Variants in KAZN observed in about 807,000 individuals in gnomAD.
The protein encoded by KAZN is kazrin.
In KAZN, 40 loss-of-function variants were observed where a neutral mutation model predicts 87.4. The ratio of observed to expected loss-of-function variants is 0.46; its 90% CI spans 0.36 to 0.60. KAZN has a LOEUF of 0.60. Ranked by LOEUF, KAZN falls within the 20% of genes least tolerant of loss-of-function variation. KAZN has a pLI of 0.00. For missense variants in KAZN, 898 were observed against 1,073.9 expected, an observed-to-expected ratio of 0.84 and a Z score of 2.29; for synonymous variants, 466 against 458.3, an observed-to-expected ratio of 1.02 and a Z score of -0.22.
intron 1 of KAZN, among the ~76,000 whole-genome samples, chr1:14,090,432 A>G (rs1262818072): frequency 6.7e-6 from 1 of 150,226 alleles, no homozygotes; most frequent in Non-Finnish European, 1.5e-5. Flanking sequence ...TCCGTCTGGT[A>G]TTTTTTCCAG....
chr1:14,845,236 T>TG (rs1648584100), intron 1 of KAZN, among the ~76,000 whole-genome samples: 1 of 148,832 alleles, frequency 6.7e-6, no homozygotes, highest in Admixed American at 6.6e-5. Flanking sequence ...GATGGATGGA[T>TG]GGATGGGTGA....
At chr1:15,060,111 A>C in intron 5 of KAZN, 61 bp from the exon 6 acceptor site, 1 of 1,601,060 alleles carries the variant, frequency 6.2e-7, no homozygotes, top group Non-Finnish European at 8.5e-7. Context: ...ATAACCGCCA[A>C]GGCAGCACAG....
chr1:14,407,993 C>G (rs1020907694), intron 2 of KAZN, among the ~76,000 whole-genome samples: 9 of 152,196 alleles, frequency 5.9e-5, no homozygotes, highest in African/African-American at 2.2e-4. Flanking sequence ...TTATCACATC[C>G]ATGGGGAACT....
intron 1 of KAZN, among the ~76,000 whole-genome samples, chr1:14,020,403 T>C (rs1368026970): frequency 6.6e-6 from 1 of 152,222 alleles, no homozygotes; most frequent in Non-Finnish European, 1.5e-5. Context: ...CTCTCTTTTT[T>C]CCCCATTTCA....
chr1:14,591,903 C>T (rs2148581906), intron 2 of KAZN, among the ~76,000 whole-genome samples: 1 of 152,332 alleles, frequency 6.6e-6, no homozygotes, highest in South Asian at 2.1e-4. Flanking sequence ...CTCCTCTCCC[C>T]TGTTTTTTCC....
intron 1 of KAZN, among the ~76,000 whole-genome samples, chr1:14,725,060 CTTGTAAT>C (rs1470444740): frequency 6.6e-6 from 1 of 152,200 alleles, no homozygotes; most frequent in Non-Finnish European, 1.5e-5. Context: ...CTTCATTCCT[CTTGTAAT>C]TTACCAGAGG....
chr1:14,218,606 A>T (rs544480949), intron 2 of KAZN, among the ~76,000 whole-genome samples: 1 of 152,320 alleles, frequency 6.6e-6, no homozygotes, highest in African/African-American at 2.4e-5. Flanking sequence ...TATGTTCAGT[A>T]AGGATAATAT....
intron 2 of KAZN, among the ~76,000 whole-genome samples, chr1:14,441,161 G>A (rs1666681961): frequency 1.3e-5 from 2 of 152,018 alleles, no homozygotes; most frequent in Non-Finnish European, 1.5e-5. Context: ...TTAAATGACT[G>A]GAAGATACAT....
intron 2 of KAZN, among the ~76,000 whole-genome samples, chr1:14,415,943 AG>A (rs1664719757): frequency 6.6e-6 from 1 of 152,194 alleles, no homozygotes; most frequent in East Asian, 1.9e-4. Context: ...CAAAGGGATG[AG>A]AAAAAAGACA....
chr1:14,903,121 C>T (rs996659870), intron 1 of KAZN, among the ~76,000 whole-genome samples: 2 of 152,042 alleles, frequency 1.3e-5, no homozygotes, highest in East Asian at 1.9e-4. Context: ...CACCCGCCTC[C>T]ACCTCCCACA....
chr1:14,360,192 T>C (rs1659386031), intron 2 of KAZN, among the ~76,000 whole-genome samples: 1 of 152,222 alleles, frequency 6.6e-6, no homozygotes, highest in South Asian at 2.1e-4. Flanking sequence ...ATTAAGTTTA[T>C]TTTCAATCTC....
chr1:14,122,993 G>A (rs1052948320), intron 1 of KAZN, among the ~76,000 whole-genome samples: 3 of 152,178 alleles, frequency 2.0e-5, no homozygotes, highest in South Asian at 2.1e-4. Flanking sequence ...ATAGCAAAGC[G>A]GAGGAATGGG....
intron 2 of KAZN, among the ~76,000 whole-genome samples, chr1:14,401,136 G>T (rs191633041): frequency 6.6e-6 from 1 of 152,178 alleles, no homozygotes; most frequent in Non-Finnish European, 1.5e-5. Flanking sequence ...ATCAAATAAG[G>T]CTTCAAGGAA....
At chr1:14,548,199 T>C (rs1172807597) in intron 2 of KAZN, among the ~76,000 whole-genome samples, 1 of 114,822 alleles carries the variant, frequency 8.7e-6, no homozygotes, top group Non-Finnish European at 1.8e-5. Context: ...TCTTCGTGCA[T>C]TTTTTTTTTT....
intron 2 of KAZN, among the ~76,000 whole-genome samples, chr1:14,226,189 G>A (rs757592957): frequency 2.0e-5 from 3 of 152,006 alleles, no homozygotes; most frequent in Non-Finnish European, 2.9e-5. Flanking sequence ...GAATCTATAA[G>A]GAACTTAAGC....
chr1:14,590,907 G>C (rs1306813658), intron 2 of KAZN, among the ~76,000 whole-genome samples: 1 of 152,156 alleles, frequency 6.6e-6, no homozygotes, highest in Non-Finnish European at 1.5e-5. Flanking sequence ...GGCAGGGCTG[G>C]ACTTAAACCC....
chr1:14,028,955 G>A (rs1485150148), intron 1 of KAZN, among the ~76,000 whole-genome samples: 3 of 152,206 alleles, frequency 2.0e-5, no homozygotes, highest in East Asian at 1.9e-4. Context: ...TGTCTTTATA[G>A]CATCATGATT....
chr1:14,901,043 C>T (rs1437948243), intron 1 of KAZN, among the ~76,000 whole-genome samples: 1 of 152,186 alleles, frequency 6.6e-6, no homozygotes, highest in Non-Finnish European at 1.5e-5. Flanking sequence ...CAGAGATGGC[C>T]CCTGTCCTCA....
chr1:14,494,564 G>C (rs902371562), intron 2 of KAZN, among the ~76,000 whole-genome samples: 1 of 152,090 alleles, frequency 6.6e-6, no homozygotes, highest in African/African-American at 2.4e-5. Context: ...GTGACATGTT[G>C]ATGTACACAG....
Sources: allele counts gnomAD v4.1 joint callset (sites outside exome capture counted in the v4.1 genomes callset), GRCh38; gene constraint gnomAD v4.1.1; transcripts MANE v1.5; gene names NCBI Gene and HGNC (gene_info 2026-07-23, HGNC 2026-07-21).